Variants in CDH19 observed in about 807,000 individuals in gnomAD.
The protein encoded by CDH19 is cadherin 19, also known as cadherin-19.
Under a neutral mutation model 64.2 loss-of-function variants are expected in CDH19, and 67 were observed. The ratio of observed to expected loss-of-function variants is 1.04; its 90% CI spans 0.86 to 1.28. CDH19 has a LOEUF of 1.28. CDH19 is among the 50% of genes most tolerant of loss of function. The probability of loss-of-function intolerance (pLI) is 0.00; values close to 1 mark genes in which losing one functional copy is unlikely to be tolerated. For synonymous variants in CDH19, 346 were observed against 319.3 expected (o/e 1.08, Z -0.89); for missense variants, 1,030 against 929.0 (o/e 1.11, Z -1.41).
intron 5 of CDH19, among the ~76,000 whole-genome samples, chr18:66,547,707 G>A (rs1430785564): frequency 1.7e-5 from 2 of 117,148 alleles, no homozygotes; most frequent in African/African-American, 3.4e-5. Context: ...TCGCTCTGTC[G>A]CCCAGGCTGG....
intron 9 of CDH19, among the ~76,000 whole-genome samples, chr18:66,513,532 C>T (rs1985592952): frequency 6.6e-6 from 1 of 151,372 alleles, no homozygotes; most frequent in African/African-American, 2.4e-5. Context: ...CACTTAAACA[C>T]ATACCACTAA....
intron 3 of CDH19, among the ~76,000 whole-genome samples, chr18:66,561,989 A>G (rs1310621221): frequency 1.3e-5 from 2 of 152,026 alleles, no homozygotes; most frequent in Non-Finnish European, 2.9e-5. Flanking sequence ...TTATAAAAAT[A>G]AGTTCAACAC....
intron 2 of CDH19, among the ~76,000 whole-genome samples, chr18:66,569,181 TA>T (rs1194524738): frequency 6.6e-6 from 1 of 151,662 alleles, no homozygotes; most frequent in African/African-American, 2.4e-5. Context: ...TTAGGGTTCA[TA>T]AAGATAATGA....
chr18:66,568,446 C>T lies in CDH19; in HGVS notation c.460G>A (p.Glu154Lys). The T allele has an allele frequency of 6.2e-7, 1 of 1,611,728 alleles. No homozygotes were observed. Among genetic ancestry groups the T allele is most frequent in the Non-Finnish European group, 8.5e-7 (1 of 1,178,610 alleles). ...NEPKFLDEPY[E>K]AIVPEMSPEG... Reference sequence around the variant, plus strand: ...GGAGACATCTCTGGTACAATGGCCTCATAAGGTTCATCTAGGAATTTTGGT... The same window carrying T: ...GGAGACATCTCTGGTACAATGGCCTTATAAGGTTCATCTAGGAATTTTGGT... Residue 154 changes from glutamate (E) to lysine (K), a missense_variant, in exon 3 of 12, where the codon GAG becomes AAG. Transcript: ENST00000262150.
intron 1 of CDH19, among the ~76,000 whole-genome samples, chr18:66,597,531 C>T (rs1988932748): frequency 6.6e-6 from 1 of 152,122 alleles, no homozygotes; most frequent in Admixed American, 6.6e-5. Context: ...CTATTCTGGA[C>T]ATAGGCCCTG....
chr18:66,547,482 A>G (rs904287132), intron 5 of CDH19, among the ~76,000 whole-genome samples: 1 of 151,982 alleles, frequency 6.6e-6, no homozygotes, highest in Non-Finnish European at 1.5e-5. Flanking sequence ...CCATAATCTG[A>G]GTGGGATCAC....
chr18:66,582,940 C>T (rs1988467518), intron 1 of CDH19, among the ~76,000 whole-genome samples: 1 of 151,988 alleles, frequency 6.6e-6, no homozygotes, highest in Admixed American at 6.6e-5. Flanking sequence ...GAGATAGATT[C>T]CAATTGGTTA....
intron 11 of CDH19, among the ~76,000 whole-genome samples, chr18:66,506,840 T>C (rs1393746150): frequency 6.6e-6 from 1 of 151,922 alleles, no homozygotes; most frequent in Non-Finnish European, 1.5e-5. Flanking sequence ...ATAGTATTTA[T>C]ATAAAACTTG....
chr18:66,590,684 A>C (rs1988719105), intron 1 of CDH19, among the ~76,000 whole-genome samples: 1 of 152,044 alleles, frequency 6.6e-6, no homozygotes, highest in Non-Finnish European at 1.5e-5. Flanking sequence ...ATTCACAAAC[A>C]CAAATGTTAT....
At position 66,511,705 on chromosome 18, in the gene CDH19, G is replaced by T; in HGVS notation, c.1459-20C>A. 3 of 1,149,432 alleles carry T rather than the reference G, an allele frequency of 2.6e-6. No homozygotes were observed. Among genetic ancestry groups the T allele is most frequent in the Non-Finnish European group, 1.3e-6 (1 of 766,564 alleles). 71.2% of individuals were successfully genotyped at this position (1,149,432 alleles called of 1,614,324 possible). A position where few individuals can be genotyped will look rare whatever the true frequency, so the allele number is the denominator to read the frequency against. On this transcript the variant is annotated intron_variant, in intron 9 of 11. Transcript: ENST00000262150. ...AATTACCTAAAAAAAAAGGGGGATA[G>T]ATTTTTGTTGTTGTTTGGATTCAGG...
At chr18:66,518,835 A>C (rs895302824) in intron 9 of CDH19, among the ~76,000 whole-genome samples, 1 of 151,738 alleles carries the variant, frequency 6.6e-6, no homozygotes, top group Non-Finnish European at 1.5e-5. Context: ...TTTTTCTTAC[A>C]TTATTTCATT....
At position 66,507,055 on chromosome 18, in the gene CDH19, T is replaced by C. The variant is rs550340484; in HGVS notation, c.1829-1753A>G. ...GTAACTCCCACCTGCTAAATTTTAC[T>C]CACATTTGTAATTACAAAGCTGCCC... On this transcript the variant is annotated intron_variant, in intron 11 of 11. Transcript: ENST00000262150. 5.3e-4 allele frequency among the ~76,000 whole-genome samples: 81 copies of C among 152,018 alleles called. No homozygotes were observed. In the Middle Eastern group the frequency reaches 0.014, roughly 26 times the overall value.
Position 66,503,214 on chromosome 18 carries a change from C to A in CDH19, c.*1598G>T, listed in dbSNP as rs189709971. ...ATAATAAAGATCATTCTTAAAAGGT[C>A]GATTAAAATTAAAGTGTTTTATTAT... On this transcript the variant is annotated 3_prime_UTR_variant, in exon 12 of 12. Coordinates refer to ENST00000262150, the MANE Select transcript of CDH19 (RefSeq NM_021153.4). 1.3e-5 allele frequency: 2 copies of A among 151,600 alleles called. No individual in the cohort carries two copies. The highest frequency in any genetic ancestry group is 4.8e-5 in the African/African-American group (2 of 41,340). The allele number at this position is 151,600 out of a possible 1,614,324, so 9.4% of individuals were successfully genotyped here.
intron 1 of CDH19, among the ~76,000 whole-genome samples, chr18:66,580,099 A>G (rs943536274): frequency 2.0e-5 from 3 of 152,066 alleles, no homozygotes; most frequent in African/African-American, 7.2e-5. Flanking sequence ...ACAAAAATAT[A>G]CAGCAATTCG....
intron 3 of CDH19, among the ~76,000 whole-genome samples, chr18:66,557,970 C>G (rs1053762026): frequency 6.6e-5 from 10 of 151,616 alleles, no homozygotes. Context: ...CTATTCATTG[C>G]TCCAGGGCAA....
Position 66,529,984 on chromosome 18 carries a change from A to G in CDH19, c.1337-18T>C. 1 of 1,311,814 alleles carries G rather than the reference A, an allele frequency of 7.6e-7. No individual in the cohort carries two copies. Among genetic ancestry groups the G allele is most frequent in the Non-Finnish European group, 1.0e-6 (1 of 967,776 alleles). 81.3% of individuals were successfully genotyped at this position (1,311,814 alleles called of 1,614,324 possible). ...TATATTGTCTGCAATTTGAATATAT[A>G]TAATAAAAATCTAACATATTTTAAT... On this transcript the variant is annotated intron_variant, in intron 8 of 11. Coordinates refer to ENST00000262150, the MANE Select transcript of CDH19 (RefSeq NM_021153.4).
chr18:66,552,102 T>G (rs1171334439), intron 4 of CDH19, among the ~76,000 whole-genome samples: 1 of 152,000 alleles, frequency 6.6e-6, no homozygotes, highest in Non-Finnish European at 1.5e-5. Context: ...AACTTCTGAT[T>G]GGGTAGCATG....
At chr18:66,598,038 TA>T (rs771922844) in intron 1 of CDH19, among the ~76,000 whole-genome samples, 21 of 151,380 alleles carry the variant, frequency 1.4e-4, no homozygotes, top group South Asian at 1.0e-3. Flanking sequence ...ACTTACAGTA[TA>T]AAAAAAAATA....
chr18:66,593,061 T>C (rs545861944), intron 1 of CDH19, among the ~76,000 whole-genome samples: 241 of 151,966 alleles, frequency 1.6e-3, no homozygotes, highest in African/African-American at 5.6e-3. Context: ...TTCACAACAG[T>C]ATTTTTTTTT....
Sources: allele counts gnomAD v4.1 joint callset (sites outside exome capture counted in the v4.1 genomes callset), GRCh38; gene constraint gnomAD v4.1.1; transcripts MANE v1.5; gene names NCBI Gene and HGNC (gene_info 2026-07-23, HGNC 2026-07-21).